Variants in NEGR1 observed in about 807,000 individuals in gnomAD.
NEGR1 encodes IgLON family member 4.
NEGR1 carries 10 observed loss-of-function variants against 40.9 expected under a neutral mutation model. That is an observed-to-expected ratio of 0.24 (90% confidence interval 0.15 to 0.42). The LOEUF is 0.42. NEGR1 is among the 10% of genes least tolerant of loss of function. The pLI is 1.00. For missense variants in NEGR1, 352 were observed against 438.9 expected, an observed-to-expected ratio of 0.80 and a Z score of 1.77; for synonymous variants, 185 against 166.8, an observed-to-expected ratio of 1.11 and a Z score of -0.84.
chr1:71,444,893 A>G (rs59154597), intron 6 of NEGR1, among the ~76,000 whole-genome samples: 5,283 of 152,274 alleles, frequency 0.035, 324 homozygotes, highest in African/African-American at 0.12. Context: ...TGAAATCATG[A>G]ATATATATTT....
At chr1:72,192,022 T>A (rs1293184863) in intron 1 of NEGR1, among the ~76,000 whole-genome samples, 1 of 151,944 alleles carries the variant, frequency 6.6e-6, no homozygotes, top group Admixed American at 6.6e-5. Context: ...TAGTCTTTAC[T>A]TGTTTTATTT....
intron 4 of NEGR1, among the ~76,000 whole-genome samples, chr1:71,696,198 T>G (rs1228848631): frequency 4.0e-5 from 6 of 151,808 alleles, no homozygotes; most frequent in Non-Finnish European, 8.8e-5. Flanking sequence ...CCTACTCAAG[T>G]TTCTGCCTCC....
chr1:71,837,246 T>C (rs372369157), intron 2 of NEGR1, among the ~76,000 whole-genome samples: 1 of 152,252 alleles, frequency 6.6e-6, no homozygotes, highest in South Asian at 2.1e-4. Flanking sequence ...GACTTCTCTA[T>C]ATGCCTGACA....
chr1:71,756,939 C>T (rs1251450842), intron 3 of NEGR1, among the ~76,000 whole-genome samples: 1 of 151,486 alleles, frequency 6.6e-6, no homozygotes, highest in Non-Finnish European at 1.5e-5. Flanking sequence ...ATTTTGAGGG[C>T]AAGTTCTCAA....
In NEGR1 at chr1:72,219,423, T is replaced by C. The variant is rs1653937172; in HGVS notation, c.176+62896A>G. 2.0e-5 allele frequency among the ~76,000 whole-genome samples: 3 copies of C among 152,214 alleles called. No homozygotes were observed. In the South Asian group the frequency reaches 6.2e-4, roughly 32 times the overall value. On this transcript the variant is annotated intron_variant, in intron 1 of 6. Coordinates refer to ENST00000357731, the MANE Select transcript of NEGR1 (RefSeq NM_173808.3). ...TCATATGTAACAATAATGTTATATA[T>C]AATGAGTATTTTCTTTACAGTGCCA...
chr1:72,223,510 G>A (rs758987887), intron 1 of NEGR1, among the ~76,000 whole-genome samples: 7 of 152,144 alleles, frequency 4.6e-5, no homozygotes, highest in Non-Finnish European at 8.8e-5. Flanking sequence ...TCTACATGAA[G>A]CATTCTTGAA....
chr1:71,712,263 A>T (rs1024092511), intron 3 of NEGR1, among the ~76,000 whole-genome samples: 2 of 152,226 alleles, frequency 1.3e-5, no homozygotes, highest in African/African-American at 2.4e-5. Context: ...GGCAATGAGG[A>T]TGTGCATCAC....
intron 1 of NEGR1, among the ~76,000 whole-genome samples, chr1:72,112,098 A>C (rs1479263719): frequency 6.6e-6 from 1 of 151,812 alleles, no homozygotes; most frequent in Non-Finnish European, 1.5e-5. Flanking sequence ...TTTTAAATTC[A>C]TTTATGTTTT....
At chr1:71,706,392 G>T (rs1191407355) in intron 3 of NEGR1, among the ~76,000 whole-genome samples, 1 of 151,992 alleles carries the variant, frequency 6.6e-6, no homozygotes, top group Admixed American at 6.5e-5. Flanking sequence ...AAATAAACTT[G>T]AAAGGCAGTG....
chr1:72,112,548 G>C (rs745836766), intron 1 of NEGR1, among the ~76,000 whole-genome samples: 1 of 151,570 alleles, frequency 6.6e-6, no homozygotes, highest in Non-Finnish European at 1.5e-5. Context: ...TGATTGTTAG[G>C]TTTCTTCCTC....
At chr1:71,439,645 G>A (rs1257000986) in intron 6 of NEGR1, 1 of 152,194 alleles carries the variant, frequency 6.6e-6, no homozygotes, top group African/African-American at 2.4e-5. Context: ...TTACAGGCAT[G>A]AGGCACTGTG....
chr1:72,154,178 C>T (rs1263518574), intron 1 of NEGR1, among the ~76,000 whole-genome samples: 1 of 151,114 alleles, frequency 6.6e-6, no homozygotes, highest in Non-Finnish European at 1.5e-5. Context: ...GTATACACGC[C>T]AATAGGTTTG....
chr1:71,418,091 G>A (rs377544935), intron 6 of NEGR1, among the ~76,000 whole-genome samples: 1 of 49,418 alleles, frequency 2.0e-5, no homozygotes, highest in Non-Finnish European at 4.6e-5. Flanking sequence ...TTTTTTTTTT[G>A]AGGCATACCA....
chr1:72,086,057 G>A (rs1345518874), intron 1 of NEGR1, among the ~76,000 whole-genome samples: 1 of 151,252 alleles, frequency 6.6e-6, no homozygotes, highest in Non-Finnish European at 1.5e-5. Flanking sequence ...GCTTACTAGA[G>A]CAAAATGTCC....
chr1:71,665,415 A>C (rs900302199), intron 4 of NEGR1, among the ~76,000 whole-genome samples: 3 of 152,328 alleles, frequency 2.0e-5, no homozygotes, highest in South Asian at 2.1e-4. Context: ...AGAGATTTCT[A>C]TTAAGCCTGT....
At chr1:71,656,086 A>T (rs1651863480) in intron 4 of NEGR1, among the ~76,000 whole-genome samples, 1 of 152,206 alleles carries the variant, frequency 6.6e-6, no homozygotes, top group Admixed American at 6.5e-5. Context: ...CCAACTTCAG[A>T]GTATTTAAGA....
At chr1:71,640,006 A>G (rs887039992) in intron 4 of NEGR1, among the ~76,000 whole-genome samples, 2 of 152,006 alleles carry the variant, frequency 1.3e-5, no homozygotes, top group African/African-American at 4.8e-5. Flanking sequence ...TGAATGGTTA[A>G]TTTTAGCCTT....
intron 1 of NEGR1, among the ~76,000 whole-genome samples, chr1:72,074,978 T>C (rs77240795): frequency 0.018 from 2,750 of 152,228 alleles, 85 homozygotes; most frequent in African/African-American, 0.063. Flanking sequence ...CATTTCTAAA[T>C]GCAATTTTAA....
In NEGR1 at chr1:72,007,607, C is replaced by T. The variant is rs188167784; in HGVS notation, c.177-72296G>A. 6.0e-3 allele frequency among the ~76,000 whole-genome samples: 911 copies of T among 151,850 alleles called. 5 individuals carry two copies. The highest frequency in any genetic ancestry group is 9.8e-3 in the Non-Finnish European group (669 of 67,956). ...AAGCAATCAAGTACTGGAAAGAGTA[C>T]GAAGAAAAGAGAAAGCCAGAATTAA... On this transcript the variant is annotated intron_variant, in intron 1 of 6. Transcript: ENST00000357731.
Sources: gnomAD v4.1 joint callset for allele counts (sites outside exome capture counted in the v4.1 genomes callset) on GRCh38, gnomAD v4.1.1 for gene constraint, MANE v1.5 for transcripts, NCBI Gene and HGNC (gene_info 2026-07-23, HGNC 2026-07-21) for gene names.